The following RXRA variants were observed in gnomAD, a reference collection of about 807,000 sequenced individuals.
RXRA encodes the protein retinoid X receptor alpha.
RXRA carries 5 observed loss-of-function variants against 44.5 expected under a neutral mutation model. The observed-to-expected ratio is 0.11, with a 90% CI of 0.06 to 0.24. RXRA has a LOEUF of 0.24. RXRA is among the 10% of genes least tolerant of loss of function. The probability of loss-of-function intolerance (pLI) is 1.00; values close to 1 mark genes in which losing one functional copy is unlikely to be tolerated. For synonymous variants in RXRA, 291 were observed against 271.4 expected, an observed-to-expected ratio of 1.07 and a Z score of -0.71; for missense variants, 412 against 646.5, an observed-to-expected ratio of 0.64 and a Z score of 3.93.
At chr9:134,391,263 G>A (rs1830795343) in intron 1 of RXRA, among the ~76,000 whole-genome samples, 1 of 152,160 alleles carries the variant, frequency 6.6e-6, no homozygotes. Context: ...CCACAGGTGG[G>A]ACCTGAGGAA....
At chr9:134,356,681 G>T (rs1048217016) in intron 1 of RXRA, among the ~76,000 whole-genome samples, 5 of 152,232 alleles carry the variant, frequency 3.3e-5, no homozygotes, top group Non-Finnish European at 5.9e-5. Flanking sequence ...GCGGCTCTTG[G>T]ATTAGCCATC....
chr9:134,392,466 C>G lies in RXRA; in HGVS notation c.29-9166C>G, dbSNP rs374310685. Among the ~76,000 whole-genome samples, 52 of 152,356 alleles carry G rather than the reference C, an allele frequency of 3.4e-4. No individual in the cohort carries two copies. In the East Asian group the frequency reaches 9.6e-3, roughly 28 times the overall value. On this transcript the variant is annotated intron_variant, in intron 1 of 9. Coordinates refer to ENST00000481739, the MANE Select transcript of RXRA (RefSeq NM_002957.6). ...CTGAGCCCACCTCCTCCCTGTACCC[C>G]CATGGCAGGAGCTCCTTTTTGGGAA...
At chr9:134,348,611 C>T (rs1315856084) in intron 1 of RXRA, among the ~76,000 whole-genome samples, 1 of 152,256 alleles carries the variant, frequency 6.6e-6, no homozygotes, top group Non-Finnish European at 1.5e-5. Context: ...CAGGCTTGAA[C>T]AGCCACCCTG....
intron 4 of RXRA, among the ~76,000 whole-genome samples, chr9:134,411,791 C>T (rs918984396): frequency 3.9e-5 from 6 of 152,210 alleles, no homozygotes; most frequent in Admixed American, 3.3e-4. Context: ...CAGTGAGGCC[C>T]CCGTGCCAAA....
At position 134,417,389 on chromosome 9, in the gene RXRA, ACCCT is replaced by A; in HGVS notation, c.780+66_780+69del. 2 of 1,558,044 alleles carry A rather than the reference ACCCT, an allele frequency of 1.3e-6. No homozygotes were observed. Among genetic ancestry groups the A allele is most frequent in the Non-Finnish European group, 1.7e-6 (2 of 1,143,304 alleles). On this transcript the variant is annotated intron_variant, in intron 5 of 9. Transcript: ENST00000481739. The surrounding 1 kb of genome is among the most constrained non-coding windows in gnomAD (Gnocchi z 6.1). ...ATGCCTCAGTTTCCCTCACTCACTC[ACCCT>A]CCCACCTGAGCAGCTGATGAGCCAG...
At chr9:134,425,689 G>A in intron 6 of RXRA, 1 of 985,260 alleles carries the variant, frequency 1.0e-6, no homozygotes, top group Non-Finnish European at 1.2e-6. Flanking sequence ...TACTCCCCTG[G>A]TCTTGTTAAT....
intron 4 of RXRA, among the ~76,000 whole-genome samples, chr9:134,415,694 G>A (rs1484766302): frequency 6.6e-6 from 1 of 152,194 alleles, no homozygotes; most frequent in Non-Finnish European, 1.5e-5. Flanking sequence ...CCTGGGTCAG[G>A]GACTACCCAG....
chr9:134,368,718 T>A (rs912456660), intron 1 of RXRA, among the ~76,000 whole-genome samples: 46 of 151,384 alleles, frequency 3.0e-4, no homozygotes, highest in Non-Finnish European at 2.9e-5. Flanking sequence ...TATGTGTGAC[T>A]TCATGCCATG....
chr9:134,332,569 C>T (rs553237114), intron 1 of RXRA, among the ~76,000 whole-genome samples: 49 of 150,180 alleles, frequency 3.3e-4, no homozygotes, highest in African/African-American at 1.1e-3. Flanking sequence ...AAGGTCTGGC[C>T]TGGAGGGGGT....
chr9:134,413,282 G>A (rs1161958672), intron 4 of RXRA, among the ~76,000 whole-genome samples: 5 of 151,904 alleles, frequency 3.3e-5, no homozygotes, highest in Non-Finnish European at 7.4e-5. Context: ...ATGTCTGTGT[G>A]GTGTATGGGT....
chr9:134,340,449 G>C (rs1830072711), intron 1 of RXRA, among the ~76,000 whole-genome samples: 1 of 152,190 alleles, frequency 6.6e-6, no homozygotes, highest in Non-Finnish European at 1.5e-5. Flanking sequence ...CCAGGAGTGA[G>C]GGCCGAGGGG....
intron 6 of RXRA, chr9:134,423,626 C>T: frequency 1.0e-6 from 1 of 985,490 alleles, no homozygotes. Context: ...CTTAATCCCG[C>T]TGGCCTCGTG....
At chr9:134,350,980 G>A (rs1564265629) in intron 1 of RXRA, among the ~76,000 whole-genome samples, 1 of 152,254 alleles carries the variant, frequency 6.6e-6, no homozygotes, top group South Asian at 2.1e-4. Flanking sequence ...TCAGCAAGGG[G>A]GGGCTGAGCA....
chr9:134,440,257 T>G lies in RXRA; in HGVS notation c.*3643T>G, dbSNP rs1483496606. ...ACGATGGCAGAGGAGAGGGCTCCTGTGACGGCGGCGAGGCTTGGGAGGAAA... is the reference window on the plus strand; with the variant it reads ...ACGATGGCAGAGGAGAGGGCTCCTGGGACGGCGGCGAGGCTTGGGAGGAAA... On this transcript the variant is annotated 3_prime_UTR_variant, in exon 10 of 10. Coordinates refer to ENST00000481739, the MANE Select transcript of RXRA (RefSeq NM_002957.6). The G allele has an allele frequency of 6.6e-6, 1 of 152,236 alleles. No homozygotes were observed. The highest frequency in any genetic ancestry group is 2.4e-5 in the African/African-American group (1 of 41,412). The allele number at this position is 152,236 out of a possible 1,614,324, so 9.4% of individuals were successfully genotyped here.
intron 1 of RXRA, among the ~76,000 whole-genome samples, chr9:134,364,935 A>T (rs1308359816): frequency 6.6e-6 from 1 of 152,060 alleles, no homozygotes; most frequent in African/African-American, 2.4e-5. Flanking sequence ...TGTTACATAG[A>T]TGAGGCCTCA....
In RXRA at chr9:134,386,598, C is replaced by T. The variant is rs531463520; in HGVS notation, c.29-15034C>T. Among the ~76,000 whole-genome samples, 9 of 152,338 alleles carry T rather than the reference C, an allele frequency of 5.9e-5. No individual in the cohort carries two copies. In the East Asian group the frequency reaches 1.4e-3, roughly 23 times the overall value. ...GCCTGTGGTCTGGTCACGGCTGCTC[C>T]GTACGTGGCCGTGCTGAGGGTGTCA... On this transcript the variant is annotated intron_variant, in intron 1 of 9. Coordinates refer to ENST00000481739, the MANE Select transcript of RXRA (RefSeq NM_002957.6).
At position 134,422,091 on chromosome 9, in the gene RXRA, C is replaced by G. The variant is rs1831346138; in HGVS notation, c.910+286C>G. On this transcript the variant is annotated intron_variant, in intron 6 of 9. Coordinates refer to ENST00000481739, the MANE Select transcript of RXRA (RefSeq NM_002957.6). ...GGACGCTCCCCTCTCCCAGGACACT[C>G]CCGACTCCTGGGACACACTTCTACC... 2.2e-6 allele frequency: 3 copies of G among 1,370,870 alleles called. No individual in the cohort carries two copies. In the East Asian group the frequency reaches 1.1e-4, roughly 52 times the overall value. The allele number at this position is 1,370,870 out of a possible 1,614,324, so 84.9% of individuals were successfully genotyped here. A position where few individuals can be genotyped will look rare whatever the true frequency, so the allele number is the denominator to read the frequency against.
chr9:134,380,131 C>T (rs1474608827), intron 1 of RXRA: 1 of 985,366 alleles, frequency 1.0e-6, no homozygotes, highest in African/African-American at 1.7e-5. Flanking sequence ...GGCCTTGGCA[C>T]TGCCACCGTC....
intron 1 of RXRA, among the ~76,000 whole-genome samples, chr9:134,382,128 G>A (rs78135721): frequency 6.6e-6 from 1 of 151,960 alleles, no homozygotes; most frequent in African/African-American, 2.4e-5. Flanking sequence ...CAGGATGTGG[G>A]GGGGCGCAGG....
Sources: gnomAD v4.1 joint callset for allele counts (sites outside exome capture counted in the v4.1 genomes callset) on GRCh38, gnomAD v4.1.1 for gene constraint, Gnocchi (gnomAD v3.1) non-coding constraint, MANE v1.5 for transcripts, NCBI Gene and HGNC (gene_info 2026-07-23, HGNC 2026-07-21) for gene names.